PXDNL: variants seen among roughly 807,000 people sequenced by gnomAD.
The protein encoded by PXDNL is probable oxidoreductase PXDNL.
In PXDNL, 145 loss-of-function variants were observed where a neutral mutation model predicts 150.8. That is an observed-to-expected ratio of 0.96 (90% CI 0.84 to 1.10). PXDNL has a LOEUF of 1.10. Among genes scored for constraint, PXDNL ranks in the 50% least tolerant of loss-of-function variants. PXDNL has a pLI of 0.00. For synonymous variants in PXDNL, 757 were observed against 725.7 expected, an observed-to-expected ratio of 1.04 and a Z score of -0.69; for missense variants, 2,087 against 1,873.9, an observed-to-expected ratio of 1.11 and a Z score of -2.10.
intron 1 of PXDNL, among the ~76,000 whole-genome samples, chr8:51,775,904 T>G (rs1554515003): frequency 5.3e-5 from 8 of 152,172 alleles, no homozygotes; most frequent in Non-Finnish European, 1.5e-5. Context: ...TTCTCTTCTT[T>G]CAAAAGCAAA....
At chr8:51,435,778 G>T in intron 12 of PXDNL, 2 of 405,920 alleles carry the variant, frequency 4.9e-6, no homozygotes, top group South Asian at 4.4e-5. Context: ...GAAAAAACAA[G>T]GAATGGATTT....
chr8:51,771,217 A>G lies in PXDNL; in HGVS notation c.164+37964T>C, dbSNP rs550419899. Among the ~76,000 whole-genome samples, 39 of 152,342 alleles carry G rather than the reference A, an allele frequency of 2.6e-4. No individual in the cohort carries two copies. In the Middle Eastern group the frequency reaches 0.014, roughly 53 times the overall value. On this transcript the variant is annotated intron_variant, in intron 1 of 22. Coordinates refer to ENST00000356297, the MANE Select transcript of PXDNL (RefSeq NM_144651.5). ...TGTGCTCCTGATAAATCTCAACACC[A>G]CAGAGAACGTTAAGGGAACGTTTCA...
rs541900747 is a variant in PXDNL at position 51,499,786 on chromosome 8, TC to T, written c.381-17del. The T allele has an allele frequency of 8.2e-4, 1,296 of 1,572,482 alleles. 4 individuals are homozygous for T. Among genetic ancestry groups the T allele is most frequent in the Non-Finnish European group, 8.0e-4 (917 of 1,142,472 alleles). ...ATGAATATACCTGGAAGGCAAAAAA[TC>T]AAGTTGGTTACTCCTTGTGCTGGTG... On this transcript the variant is annotated splice_polypyrimidine_tract_variant and intron_variant, in intron 4 of 22. Transcript: ENST00000356297.
In PXDNL at chr8:51,457,707, T is replaced by G. The variant is rs1400305502; in HGVS notation, c.813-40A>C. The stretch of plus-strand genomic sequence containing the variant: ...TATACATGTATATTATTTAATCCCA[T>G]TCATGTTTAAAACTCTTAACAAGAC... On this transcript the variant is annotated intron_variant, in intron 8 of 22. Transcript: ENST00000356297. 3 of 1,531,060 alleles carry G rather than the reference T, an allele frequency of 2.0e-6. No homozygotes were observed. In the Admixed American group the frequency reaches 5.2e-5, roughly 27 times the overall value. 94.8% of individuals were successfully genotyped at this position (1,531,060 alleles called of 1,614,324 possible).
In PXDNL at chr8:51,592,707, G is replaced by A. The variant is rs537107565; in HGVS notation, c.237-9C>T. The A allele has an allele frequency of 3.3e-6, 5 of 1,537,542 alleles. No individual in the cohort carries two copies. The highest frequency in any genetic ancestry group is 1.7e-4 in the Middle Eastern group (1 of 5,944). On this transcript the variant is annotated splice_polypyrimidine_tract_variant and intron_variant, in intron 2 of 22. Transcript: ENST00000356297. ...GGTTGTTGTTCAGCAGACTGAAAAA[G>A]CAAAAACAAACAAATAATTCCCAAA...
rs1025667284 is a variant in PXDNL, at chr8:51,400,646, G to T, written c.3557+7421C>A. Among the ~76,000 whole-genome samples, 12 of 152,210 alleles carry T rather than the reference G, an allele frequency of 7.9e-5. 1 individual carries two copies. In the South Asian group the frequency reaches 2.5e-3, roughly 32 times the overall value. On this transcript the variant is annotated intron_variant, in intron 17 of 22. Coordinates refer to ENST00000356297, the MANE Select transcript of PXDNL (RefSeq NM_144651.5). ...GCCTTGTCACTTTTTATTTGCTCAG[G>T]CATGTGTGTCTTCTGTGTTGCAGGT... is the stretch of plus-strand genomic sequence containing the variant.
In PXDNL at chr8:51,535,231, T is replaced by C. The variant is rs985987903; in HGVS notation, c.380+21609A>G. Reference sequence around the variant, plus strand: ...TCTGGGAGGTGTGCCCAGCGGCTCATTGGGGATGGGCCATGATGACAATGG... The same window carrying C: ...TCTGGGAGGTGTGCCCAGCGGCTCACTGGGGATGGGCCATGATGACAATGG... On this transcript the variant is annotated intron_variant, in intron 4 of 22. Transcript: ENST00000356297. 6.7e-5 allele frequency among the ~76,000 whole-genome samples: 9 copies of C among 133,358 alleles called. 1 individual carries two copies. In the South Asian group the frequency reaches 7.1e-4, roughly 11 times the overall value. 87.5% of individuals were successfully genotyped at this position (133,358 alleles called of 152,430 possible).
chr8:51,346,031 G>C, intron 19 of PXDNL, 84 bp from the exon 20 acceptor site: 1 of 796,430 alleles, frequency 1.3e-6, no homozygotes, highest in Non-Finnish European at 2.1e-6. Context: ...AACAGTCAGA[G>C]AGGGCAAGAG....
intron 17 of PXDNL, among the ~76,000 whole-genome samples, chr8:51,400,529 T>C (rs1808216185): frequency 6.6e-6 from 1 of 152,214 alleles, no homozygotes; most frequent in Admixed American, 6.5e-5. Flanking sequence ...TAAATTATTT[T>C]GCACTCTGTT....
chr8:51,661,094 AT>A (rs1380505479), intron 1 of PXDNL, among the ~76,000 whole-genome samples: 1 of 152,128 alleles, frequency 6.6e-6, no homozygotes, highest in African/African-American at 2.4e-5. Flanking sequence ...TCATCATTTC[AT>A]TTGACAGCCC....
At chr8:51,729,124 C>A (rs1211024569) in intron 1 of PXDNL, among the ~76,000 whole-genome samples, 1 of 152,180 alleles carries the variant, frequency 6.6e-6, no homozygotes, top group Non-Finnish European at 1.5e-5. Flanking sequence ...CCTAATGATG[C>A]ATTTCTCAGG....
intron 2 of PXDNL, among the ~76,000 whole-genome samples, chr8:51,603,119 T>C (rs572215177): frequency 6.6e-6 from 1 of 151,922 alleles, no homozygotes; most frequent in Admixed American, 6.6e-5. Context: ...CTCCAACATG[T>C]ATCTGGTTCC....
rs182104692 is a variant in PXDNL at position 51,653,074 on chromosome 8, A to G, written c.236+1615T>C. On this transcript the variant is annotated intron_variant, in intron 2 of 22. Coordinates refer to ENST00000356297, the MANE Select transcript of PXDNL (RefSeq NM_144651.5). Reference sequence around the variant, plus strand: ...AAATATTTGATTATCTATCATATACATGTTTCAGTAGACAGTGGTGAAAGG... The same window carrying G: ...AAATATTTGATTATCTATCATATACGTGTTTCAGTAGACAGTGGTGAAAGG... 4.1e-3 allele frequency among the ~76,000 whole-genome samples: 620 copies of G among 152,306 alleles called. 8 individuals are homozygous for G. The highest frequency in any genetic ancestry group is 6.4e-3 in the Non-Finnish European group (438 of 68,022).
chr8:51,728,936 T>C (rs1178039852), intron 1 of PXDNL, among the ~76,000 whole-genome samples: 1 of 152,214 alleles, frequency 6.6e-6, no homozygotes, highest in African/African-American at 2.4e-5. Context: ...CCATTCATGG[T>C]ATGTGCCCTA....
intron 1 of PXDNL, among the ~76,000 whole-genome samples, chr8:51,791,210 G>A (rs1487693648): frequency 6.6e-6 from 1 of 152,292 alleles, no homozygotes; most frequent in East Asian, 1.9e-4. Flanking sequence ...CTAGATCTGT[G>A]AGCCAGAAAT....
intron 20 of PXDNL, among the ~76,000 whole-genome samples, 185 bp downstream of exon 20, chr8:51,345,648 T>C (rs1806127475): frequency 6.6e-6 from 1 of 152,204 alleles, no homozygotes; most frequent in African/African-American, 2.4e-5. Context: ...GGTTGGGCTA[T>C]TGCAGAGTGA....
chr8:51,547,625 T>C (rs1184309415), intron 4 of PXDNL, among the ~76,000 whole-genome samples: 2 of 152,024 alleles, frequency 1.3e-5, no homozygotes, highest in African/African-American at 4.8e-5. Flanking sequence ...CAGAAAACCC[T>C]ATCCCTAGGG....
Position 51,409,071 on chromosome 8 carries a change from G to A in PXDNL, c.2553C>T (p.Asp851=), listed in dbSNP as rs1407349685. Residue 851 remains aspartate, a synonymous_variant, in exon 17 of 23, where the codon GAC becomes GAT. Coordinates refer to ENST00000356297, the MANE Select transcript of PXDNL (RefSeq NM_144651.5). ...PCFPMNTRHA[D]PRGTHAPCML... ...TGCAGGGCGCGTGGGTGCCCCGGGG[G>A]TCGGCGTGCCGGGTGTTCATGGGGA... 1.9e-6 allele frequency: 3 copies of A among 1,609,680 alleles called. No homozygotes were observed. Among genetic ancestry groups the A allele is most frequent in the Non-Finnish European group, 2.5e-6 (3 of 1,179,480 alleles).
chr8:51,522,328 C>A lies in PXDNL; in HGVS notation c.381-22558G>T, dbSNP rs56065777. Among the ~76,000 whole-genome samples the A allele has an allele frequency of 5.2e-3, 799 of 152,256 alleles. 6 individuals carry two copies. Among genetic ancestry groups the A allele is most frequent in the Non-Finnish European group, 8.6e-3 (586 of 68,028 alleles). On this transcript the variant is annotated intron_variant, in intron 4 of 22. Coordinates refer to ENST00000356297, the MANE Select transcript of PXDNL (RefSeq NM_144651.5). ...TCTTGTTCTGGGTTCTCTGTTTTAA[C>A]TGCCATCGGGTCAGGTCTGTGGAAT... is the stretch of plus-strand genomic sequence containing the variant.
Sources: gnomAD v4.1 joint callset for allele counts (sites outside exome capture counted in the v4.1 genomes callset) on GRCh38, gnomAD v4.1.1 for gene constraint, MANE v1.5 for transcripts, NCBI Gene and HGNC (gene_info 2026-07-23, HGNC 2026-07-21) for gene names.